Variants in KCNIP4 observed in about 807,000 individuals in gnomAD.
The protein encoded by KCNIP4 is potassium voltage-gated channel interacting protein 4, also known as Kv channel-interacting protein 4.
KCNIP4 carries 12 observed loss-of-function variants against 34.0 expected under a neutral mutation model. The observed-to-expected ratio is 0.35, with a 90% CI of 0.23 to 0.57. The LOEUF (loss-of-function observed/expected upper bound fraction) is 0.57, where lower values mean the gene tolerates loss of function less well. Among genes scored for constraint, KCNIP4 ranks in the 20% least tolerant of loss-of-function variants. The pLI, the probability that KCNIP4 is intolerant of heterozygous loss-of-function variation, is 0.83. For missense variants in KCNIP4, 238 were observed against 311.7 expected, an observed-to-expected ratio of 0.76 and a Z score of 1.78; for synonymous variants, 124 against 102.2, an observed-to-expected ratio of 1.21 and a Z score of -1.29.
rs549620860 is a variant in KCNIP4, at chr4:20,810,932, G to C, written c.288+39611C>G. Among the ~76,000 whole-genome samples the C allele has an allele frequency of 1.6e-3, 242 of 152,212 alleles. 2 individuals carry two copies. Among genetic ancestry groups the C allele is most frequent in the African/African-American group, 5.5e-3 (228 of 41,540 alleles). On this transcript the variant is annotated intron_variant, in intron 3 of 8. Coordinates refer to ENST00000382152, the MANE Select transcript of KCNIP4 (RefSeq NM_025221.6). The stretch of plus-strand genomic sequence containing the variant: ...GCCTTCAGGGATTTGGGAAGTTAGC[G>C]TACTGGGACAGAGGCATTGATGATA...
chr4:21,535,791 A>G (rs1381744660), intron 1 of KCNIP4, among the ~76,000 whole-genome samples: 1 of 152,084 alleles, frequency 6.6e-6, no homozygotes, highest in Non-Finnish European at 1.5e-5. Context: ...CTGACTACAT[A>G]TTATATTTAT....
chr4:21,513,282 T>C (rs891588047), intron 1 of KCNIP4, among the ~76,000 whole-genome samples: 1 of 152,218 alleles, frequency 6.6e-6, no homozygotes, highest in African/African-American at 2.4e-5. Context: ...TTACCTTTAC[T>C]ATTCCAGAAG....
intron 1 of KCNIP4, chr4:21,304,030 TGAGAGAGAGAGAGAGAGA>T (rs770366497): frequency 3.1e-5 from 9 of 288,640 alleles, no homozygotes; most frequent in African/African-American, 1.8e-4. Context: ...GGAGAGCGTA[TGAGAGAGAGAGAGAGAGA>T]GAGAGAGAGA....
intron 1 of KCNIP4, among the ~76,000 whole-genome samples, chr4:21,290,547 T>C (rs1013201681): frequency 1.1e-4 from 17 of 152,208 alleles, no homozygotes; most frequent in Admixed American, 3.9e-4. Context: ...AAACTTGTTC[T>C]TTTAATTTAA....
chr4:21,027,337 G>A (rs1195533968), intron 1 of KCNIP4, among the ~76,000 whole-genome samples: 1 of 151,960 alleles, frequency 6.6e-6, no homozygotes, highest in Non-Finnish European at 1.5e-5. Flanking sequence ...TGTGCGGCCC[G>A]TGAAGTCTTA....
At position 21,743,360 on chromosome 4, in the gene KCNIP4, T is replaced by G. The variant is rs142900548; in HGVS notation, c.61+205211A>C. On this transcript the variant is annotated intron_variant, in intron 1 of 8. Coordinates refer to ENST00000382152, the MANE Select transcript of KCNIP4 (RefSeq NM_025221.6). ...TCCTCAAAACCAGCAATGTCTGGTA[T>G]AGTCTTCATCACACTATGTCACTGG... Among the ~76,000 whole-genome samples the G allele has an allele frequency of 1.5e-4, 23 of 151,836 alleles. No homozygotes were observed. The East Asian group carries it at 3.1e-3, about 21-fold the overall frequency.
intron 2 of KCNIP4, among the ~76,000 whole-genome samples, chr4:20,853,183 A>T (rs1301925201): frequency 1.3e-5 from 2 of 152,154 alleles, no homozygotes; most frequent in African/African-American, 2.4e-5. Flanking sequence ...TCATAGAAAA[A>T]GCAAGACTAA....
At chr4:20,900,348 G>A (rs571337542) in intron 1 of KCNIP4, among the ~76,000 whole-genome samples, 17 of 151,436 alleles carry the variant, frequency 1.1e-4, no homozygotes, top group South Asian at 2.1e-4. Context: ...GAAAACTAAC[G>A]GAGTGTGTAC....
intron 1 of KCNIP4, among the ~76,000 whole-genome samples, chr4:21,394,715 A>G (rs930286191): frequency 5.9e-5 from 9 of 152,146 alleles, no homozygotes; most frequent in Admixed American, 6.5e-5. Flanking sequence ...TGTTCTCCAG[A>G]TGCCTGCTCC....
intron 1 of KCNIP4, among the ~76,000 whole-genome samples, chr4:21,246,556 T>C (rs1760216967): frequency 6.6e-6 from 1 of 152,158 alleles, no homozygotes; most frequent in Admixed American, 6.5e-5. Flanking sequence ...ATGAGCTGTT[T>C]TTGAATGATG....
chr4:21,014,635 G>A (rs560573809), intron 1 of KCNIP4, among the ~76,000 whole-genome samples: 3 of 152,316 alleles, frequency 2.0e-5, no homozygotes, highest in South Asian at 2.1e-4. Flanking sequence ...GCAAGGATGC[G>A]TGGATATGGG....
At chr4:20,788,264 A>T (rs943266284) in intron 3 of KCNIP4, among the ~76,000 whole-genome samples, 10 of 152,214 alleles carry the variant, frequency 6.6e-5, no homozygotes, top group Non-Finnish European at 1.5e-4. Flanking sequence ...ACATAAAGAT[A>T]TAATCTACAT....
chr4:21,520,945 C>A (rs1735470245), intron 1 of KCNIP4, among the ~76,000 whole-genome samples: 2 of 152,010 alleles, frequency 1.3e-5, no homozygotes, highest in Admixed American at 6.6e-5. Flanking sequence ...ATTAAATTGC[C>A]CTCTATTATC....
At position 21,558,136 on chromosome 4, in the gene KCNIP4, G is replaced by A. The variant is rs142307236; in HGVS notation, c.61+390435C>T. ...AGAGAGCACACTGCATCCAAGGGCT[G>A]TGCTACAAATCAGCTTTGGTATGAA... is the stretch of plus-strand genomic sequence containing the variant. On this transcript the variant is annotated intron_variant, in intron 1 of 8. Transcript: ENST00000382152. Among the ~76,000 whole-genome samples the A allele has an allele frequency of 3.5e-3, 535 of 152,294 alleles. 6 individuals are homozygous for A. The highest frequency in any genetic ancestry group is 0.012 in the African/African-American group (509 of 41,552).
At chr4:21,926,820 C>CT (rs1729275509) in intron 1 of KCNIP4, among the ~76,000 whole-genome samples, 1 of 152,142 alleles carries the variant, frequency 6.6e-6, no homozygotes, top group Non-Finnish European at 1.5e-5. Flanking sequence ...TATCCTTTCT[C>CT]TAAGTATGTT....
At chr4:21,295,709 C>T (rs1763800540) in intron 1 of KCNIP4, among the ~76,000 whole-genome samples, 2 of 152,110 alleles carry the variant, frequency 1.3e-5, no homozygotes, top group African/African-American at 4.8e-5. Flanking sequence ...TCTCTGACAA[C>T]CCTTTGATAA....
intron 1 of KCNIP4, among the ~76,000 whole-genome samples, chr4:21,493,921 A>C (rs1577459385): frequency 1.3e-5 from 2 of 152,232 alleles, no homozygotes; most frequent in African/African-American, 2.4e-5. Flanking sequence ...TAGAGCCCAA[A>C]TATAAAGATA....
chr4:20,748,283 A>G (rs1459948379), intron 5 of KCNIP4, among the ~76,000 whole-genome samples: 1 of 151,902 alleles, frequency 6.6e-6, no homozygotes, highest in Non-Finnish European at 1.5e-5. Context: ...CTTGGTTCCC[A>G]GGCCTGATAT....
At chr4:21,906,323 T>C (rs1371154583) in intron 1 of KCNIP4, among the ~76,000 whole-genome samples, 2 of 152,136 alleles carry the variant, frequency 1.3e-5, no homozygotes, top group Admixed American at 6.5e-5. Flanking sequence ...ACAGCAAAAG[T>C]GTCCTTGTCT....
Sources: gnomAD v4.1 joint callset for allele counts (sites outside exome capture counted in the v4.1 genomes callset) on GRCh38, gnomAD v4.1.1 for gene constraint, MANE v1.5 for transcripts, NCBI Gene and HGNC (gene_info 2026-07-23, HGNC 2026-07-21) for gene names.